Variants in BCAR3 observed in about 807,000 individuals in gnomAD.
BCAR3 encodes the protein breast cancer anti-estrogen resistance protein 3.
In BCAR3, 37 loss-of-function variants were observed where a neutral mutation model predicts 80.1. That is an observed-to-expected ratio of 0.46 (90% CI 0.36 to 0.61). BCAR3 has a LOEUF of 0.61. Among genes scored for constraint, BCAR3 ranks in the 20% least tolerant of loss-of-function variants. The probability of loss-of-function intolerance (pLI) is 0.00; values close to 1 mark genes in which losing one functional copy is unlikely to be tolerated. For synonymous variants in BCAR3, 389 were observed against 418.9 expected (o/e 0.93, Z 0.87); for missense variants, 978 against 1,068.2 (o/e 0.92, Z 1.18).
chr1:93,707,778 T>C (rs1470468433), intron 2 of BCAR3, among the ~76,000 whole-genome samples: 4 of 152,204 alleles, frequency 2.6e-5, no homozygotes, highest in African/African-American at 9.7e-5. Flanking sequence ...TTTTCTAGGC[T>C]GAAGCTGGAC....
intron 2 of BCAR3, among the ~76,000 whole-genome samples, chr1:93,757,246 G>A (rs897404930): frequency 1.3e-5 from 2 of 152,170 alleles, no homozygotes; most frequent in East Asian, 1.9e-4. Flanking sequence ...GCTGAAGCCC[G>A]GCCAAAGAAG....
chr1:93,739,572 A>C (rs1335278135), intron 2 of BCAR3, among the ~76,000 whole-genome samples: 1 of 152,188 alleles, frequency 6.6e-6, no homozygotes, highest in African/African-American at 2.4e-5. Context: ...CCTGAGCTGG[A>C]AGGATCCCAC....
At chr1:93,778,648 T>C (rs1468257031) in intron 2 of BCAR3, among the ~76,000 whole-genome samples, 1 of 152,068 alleles carries the variant, frequency 6.6e-6, no homozygotes, top group Non-Finnish European at 1.5e-5. Flanking sequence ...CACCTCCTAC[T>C]GGGTTCCCAG....
chr1:93,769,359 G>A (rs1652272918), intron 2 of BCAR3, among the ~76,000 whole-genome samples: 1 of 72,224 alleles, frequency 1.4e-5, no homozygotes, highest in Non-Finnish European at 2.6e-5. Context: ...GTAGGAATGT[G>A]TGTGTGTGTG....
chr1:93,736,852 T>C (rs1046308901), intron 2 of BCAR3, among the ~76,000 whole-genome samples: 2 of 152,216 alleles, frequency 1.3e-5, no homozygotes, highest in Non-Finnish European at 2.9e-5. Flanking sequence ...GTGCTTTCTG[T>C]GTGCTGGGTT....
chr1:93,589,808 G>A (rs1019283389), intron 4 of BCAR3, among the ~76,000 whole-genome samples: 3 of 152,198 alleles, frequency 2.0e-5, no homozygotes, highest in Admixed American at 2.0e-4. Flanking sequence ...GTGCCGGGGA[G>A]GGGATGAGGG....
intron 3 of BCAR3, among the ~76,000 whole-genome samples, chr1:93,619,479 TATGCA>T (rs1471943917): frequency 6.6e-6 from 1 of 152,236 alleles, no homozygotes; most frequent in Non-Finnish European, 1.5e-5. Context: ...CTACACTTAC[TATGCA>T]AGCAATTACA....
chr1:93,629,062 A>G (rs1464229388), intron 3 of BCAR3, among the ~76,000 whole-genome samples: 2 of 152,238 alleles, frequency 1.3e-5, no homozygotes, highest in African/African-American at 2.4e-5. Flanking sequence ...GTCCAATGAA[A>G]AAAGCAAGTT....
chr1:93,728,212 T>C (rs1650658914), intron 2 of BCAR3, among the ~76,000 whole-genome samples: 1 of 152,214 alleles, frequency 6.6e-6, no homozygotes, highest in Non-Finnish European at 1.5e-5. Flanking sequence ...AAATGAGAAA[T>C]TCCTTTGTCC....
intron 2 of BCAR3, among the ~76,000 whole-genome samples, chr1:93,652,638 T>G (rs1448979885): frequency 2.7e-5 from 4 of 146,560 alleles, no homozygotes; most frequent in Admixed American, 2.0e-4. Flanking sequence ...ATGAAAAGGT[T>G]TTTTTTTTTT....
chr1:93,625,640 G>C (rs1240299815), intron 3 of BCAR3, among the ~76,000 whole-genome samples: 1 of 152,214 alleles, frequency 6.6e-6, no homozygotes, highest in African/African-American at 2.4e-5. Context: ...CTCAGACCAG[G>C]TTCCTGCAGC....
chr1:93,666,478 ACCT>A (rs1378677082), intron 2 of BCAR3, among the ~76,000 whole-genome samples: 2 of 151,938 alleles, frequency 1.3e-5, no homozygotes, highest in African/African-American at 4.8e-5. Flanking sequence ...TCTTCCTTGT[ACCT>A]CCTCATTTTG....
chr1:93,786,192 CAAAA>C (rs61644309), intron 2 of BCAR3, among the ~76,000 whole-genome samples: 336 of 23,220 alleles, frequency 0.014, 13 homozygotes, highest in African/African-American at 0.064. Flanking sequence ...GACTCCGTCT[CAAAA>C]AAAAAAAAAA....
intron 2 of BCAR3, among the ~76,000 whole-genome samples, chr1:93,833,360 T>C (rs1018161231): frequency 7.9e-5 from 12 of 152,186 alleles, no homozygotes. Context: ...TGAAGTTCCA[T>C]GTCCCGCTGT....
chr1:93,637,597 G>A (rs1023020096), intron 3 of BCAR3, among the ~76,000 whole-genome samples: 3 of 152,194 alleles, frequency 2.0e-5, no homozygotes, highest in African/African-American at 4.8e-5. Context: ...GGGGGTTACA[G>A]AAGTGAACCA....
At chr1:93,840,730 T>A (rs1654929367) in intron 2 of BCAR3, among the ~76,000 whole-genome samples, 1 of 152,230 alleles carries the variant, frequency 6.6e-6, no homozygotes, top group Non-Finnish European at 1.5e-5. Context: ...ACTGTGTACA[T>A]GATATTCTGC....
intron 2 of BCAR3, among the ~76,000 whole-genome samples, chr1:93,790,633 C>CTTTCTT (rs1653113294): frequency 1.2e-5 from 1 of 84,200 alleles, no homozygotes; most frequent in African/African-American, 6.4e-5. Flanking sequence ...TTTTTGTATT[C>CTTTCTT]ATTTTTTTTT....
intron 3 of BCAR3, among the ~76,000 whole-genome samples, chr1:93,633,954 G>A (rs1388862477): frequency 2.6e-5 from 4 of 152,108 alleles, no homozygotes; most frequent in Non-Finnish European, 5.9e-5. Context: ...AGGCTTATTG[G>A]GTATAATTTG....
At chr1:93,600,071 G>A (rs182869196) in intron 3 of BCAR3, among the ~76,000 whole-genome samples, 3 of 152,272 alleles carry the variant, frequency 2.0e-5, no homozygotes, top group East Asian at 3.9e-4. Context: ...AGCTAAGGCC[G>A]ACATGACAGC....
Sources: gnomAD v4.1 joint callset for allele counts (sites outside exome capture counted in the v4.1 genomes callset) on GRCh38, gnomAD v4.1.1 for gene constraint, MANE v1.5 for transcripts, NCBI Gene and HGNC (gene_info 2026-07-23, HGNC 2026-07-21) for gene names.